Variants in KALRN observed in about 807,000 individuals in gnomAD.
The protein encoded by KALRN is kalirin.
Under a neutral mutation model 353.7 loss-of-function variants are expected in KALRN, and 70 were observed. The observed-to-expected ratio is 0.20, with a 90% CI of 0.16 to 0.24. The LOEUF (loss-of-function observed/expected upper bound fraction) is 0.24, where lower values mean the gene tolerates loss of function less well. KALRN is among the 10% of genes least tolerant of loss of function. KALRN has a pLI of 1.00. For missense variants in KALRN, 2,791 were observed against 3,756.7 expected (o/e 0.74, Z 6.72); for synonymous variants, 1,391 against 1,434.8 (o/e 0.97, Z 0.69).
chr3:124,306,748 G>A (rs934020238), intron 6 of KALRN, among the ~76,000 whole-genome samples: 4 of 152,098 alleles, frequency 2.6e-5, no homozygotes, highest in African/African-American at 4.8e-5. Flanking sequence ...AAAATAGCAA[G>A]AGGAAAATGA....
chr3:124,126,111 A>G (rs1172590038), intron 1 of KALRN, among the ~76,000 whole-genome samples: 1 of 152,086 alleles, frequency 6.6e-6, no homozygotes, highest in African/African-American at 2.4e-5. Flanking sequence ...ATAGGAGAGA[A>G]TCATGGTTTT....
chr3:124,335,694 A>G (rs1478328051), intron 9 of KALRN, among the ~76,000 whole-genome samples: 1 of 152,114 alleles, frequency 6.6e-6, no homozygotes, highest in East Asian at 1.9e-4. Context: ...GCTGCAGAGA[A>G]GCTGCTCGGG....
chr3:124,593,464 G>A (rs1287871718), intron 34 of KALRN, among the ~76,000 whole-genome samples: 1 of 152,120 alleles, frequency 6.6e-6, no homozygotes, highest in African/African-American at 2.4e-5. Context: ...AGGTGGTTGT[G>A]GTGCACGCTC....
chr3:124,306,408 G>A (rs926990486), intron 6 of KALRN, among the ~76,000 whole-genome samples: 14 of 151,834 alleles, frequency 9.2e-5, no homozygotes, highest in African/African-American at 3.4e-4. Context: ...TAACAATCTT[G>A]AAGATAAACT....
chr3:124,416,994 G>A (rs1179557748), intron 14 of KALRN, among the ~76,000 whole-genome samples: 4 of 152,164 alleles, frequency 2.6e-5, no homozygotes, highest in Non-Finnish European at 5.9e-5. Flanking sequence ...TATTGAGCCA[G>A]GCTCTACTAA....
At chr3:124,689,387 G>A (rs2061708026) in intron 51 of KALRN, among the ~76,000 whole-genome samples, 2 of 151,780 alleles carry the variant, frequency 1.3e-5, no homozygotes, top group African/African-American at 2.4e-5. Context: ...TTATTTTTTA[G>A]TAAAGATGAG....
chr3:124,213,846 G>T (rs1422041704), intron 1 of KALRN, among the ~76,000 whole-genome samples: 1 of 152,106 alleles, frequency 6.6e-6, no homozygotes, highest in Non-Finnish European at 1.5e-5. Flanking sequence ...TTTGCCACAG[G>T]ATCACATTGC....
intron 45 of KALRN, 103 bp downstream of exon 45, chr3:124,662,031 C>A (rs1364988378): frequency 9.1e-6 from 8 of 876,990 alleles, no homozygotes; most frequent in Non-Finnish European, 1.6e-5. Context: ...GCCTGTGCCT[C>A]CTTCACTCAC....
chr3:124,440,054 T>C (rs1384607176), intron 18 of KALRN, among the ~76,000 whole-genome samples: 1 of 152,146 alleles, frequency 6.6e-6, no homozygotes, highest in African/African-American at 2.4e-5. Flanking sequence ...TTTTATTTTT[T>C]TTAAGCTGGC....
intron 1 of KALRN, among the ~76,000 whole-genome samples, chr3:124,139,180 A>T (rs1165923850): frequency 1.3e-5 from 2 of 152,154 alleles, no homozygotes; most frequent in African/African-American, 4.8e-5. Flanking sequence ...TGTGAGAACC[A>T]TATCTCCTTG....
intron 1 of KALRN, among the ~76,000 whole-genome samples, chr3:124,226,261 C>A (rs1372150778): frequency 6.6e-6 from 1 of 151,986 alleles, no homozygotes; most frequent in African/African-American, 2.4e-5. Flanking sequence ...TTATATTGAT[C>A]CTAATTAGCC....
At chr3:124,297,751 A>T (rs1329171037) in intron 5 of KALRN, among the ~76,000 whole-genome samples, 1 of 152,252 alleles carries the variant, frequency 6.6e-6, no homozygotes, top group African/African-American at 2.4e-5. Flanking sequence ...CTCAGGTCCA[A>T]GGAAGTCCAG....
intron 25 of KALRN, 118 bp downstream of exon 25, chr3:124,462,751 A>T (rs1442317430): frequency 4.9e-6 from 3 of 610,396 alleles, no homozygotes; most frequent in Non-Finnish European, 8.7e-6. Flanking sequence ...TTTCTAAGGC[A>T]GTTGCTGTCA....
At chr3:124,674,838 C>A in intron 49 of KALRN, 1 of 431,146 alleles carries the variant, frequency 2.3e-6, no homozygotes, top group Non-Finnish European at 4.0e-6. Context: ...ATTTTTCTTT[C>A]CTTTTGGTTT....
intron 51 of KALRN, among the ~76,000 whole-genome samples, chr3:124,684,642 C>G (rs184167346): frequency 2.0e-5 from 3 of 152,190 alleles, no homozygotes; most frequent in Non-Finnish European, 2.9e-5. Flanking sequence ...GCACCATGCA[C>G]GTCTAAGGTG....
At chr3:124,335,253 C>A (rs1209355341) in intron 9 of KALRN, among the ~76,000 whole-genome samples, 1 of 152,132 alleles carries the variant, frequency 6.6e-6, no homozygotes, top group Non-Finnish European at 1.5e-5. Context: ...GTACAGGAAA[C>A]TTCAGAGGAT....
Position 124,702,033 on chromosome 3 carries a change from C to A in KALRN, c.7997-5C>A, listed in dbSNP as rs756844271. ...TATTGTAAATGGATTCTCTTTCTTC[C>A]GAAGATGCTGCTGCTGATGGTGCCA... On this transcript the variant is annotated splice_polypyrimidine_tract_variant and splice_region_variant and intron_variant, in intron 56 of 59. Coordinates refer to ENST00000682506, the MANE Select transcript of KALRN (RefSeq NM_001388419.1). 1 of 1,611,436 alleles carries A rather than the reference C, an allele frequency of 6.2e-7. No homozygotes were observed.
chr3:124,119,675 C>T (rs2063784051), intron 1 of KALRN, among the ~76,000 whole-genome samples: 1 of 152,170 alleles, frequency 6.6e-6, no homozygotes, highest in African/African-American at 2.4e-5. Flanking sequence ...GAAGCATGGT[C>T]TAGCATTGTG....
At chr3:124,623,970 G>A (rs1293496641) in intron 34 of KALRN, among the ~76,000 whole-genome samples, 1 of 152,198 alleles carries the variant, frequency 6.6e-6, no homozygotes, top group Non-Finnish European at 1.5e-5. Flanking sequence ...AACAGTCGCC[G>A]TCTATCTGAG....
Sources: allele counts gnomAD v4.1 joint callset (sites outside exome capture counted in the v4.1 genomes callset), GRCh38; gene constraint gnomAD v4.1.1; transcripts MANE v1.5; gene names NCBI Gene and HGNC (gene_info 2026-07-23, HGNC 2026-07-21).